Variants in CADPS2 observed in about 807,000 individuals in gnomAD.
The protein encoded by CADPS2 is calcium-dependent secretion activator 2.
In CADPS2, 93 loss-of-function variants were observed where a neutral mutation model predicts 172.5. The observed-to-expected ratio is 0.54, with a 90% confidence interval of 0.46 to 0.64. The LOEUF is 0.64. Among genes scored for constraint, CADPS2 ranks in the 30% least tolerant of loss-of-function variants. The pLI, the probability that CADPS2 is intolerant of heterozygous loss-of-function variation, is 0.00. For synonymous variants in CADPS2, 546 were observed against 555.2 expected, an observed-to-expected ratio of 0.98 and a Z score of 0.23; for missense variants, 1,420 against 1,565.9, an observed-to-expected ratio of 0.91 and a Z score of 1.57.
intron 8 of CADPS2, among the ~76,000 whole-genome samples, chr7:122,515,522 T>A (rs965533336): frequency 2.0e-5 from 3 of 152,152 alleles, no homozygotes; most frequent in Admixed American, 1.3e-4. Context: ...TAGCAAGATA[T>A]GCACCAAATA....
chr7:122,451,138 G>A (rs1423965798), intron 15 of CADPS2, among the ~76,000 whole-genome samples: 2 of 152,048 alleles, frequency 1.3e-5, no homozygotes, highest in African/African-American at 4.8e-5. Flanking sequence ...GCAAGTAAGA[G>A]GTGCAGTGGA....
chr7:122,427,025 A>G (rs755475415), intron 17 of CADPS2, among the ~76,000 whole-genome samples: 1 of 152,198 alleles, frequency 6.6e-6, no homozygotes, highest in Non-Finnish European at 1.5e-5. Context: ...AGGAAGTAGG[A>G]AAGATTCTAG....
intron 17 of CADPS2, among the ~76,000 whole-genome samples, chr7:122,428,763 C>G (rs1010514513): frequency 1.3e-5 from 2 of 151,974 alleles, no homozygotes; most frequent in African/African-American, 4.8e-5. Context: ...GCCACTGTAC[C>G]CGGCAGAGTA....
chr7:122,518,758 C>A (rs1475971165), intron 8 of CADPS2, among the ~76,000 whole-genome samples: 1 of 151,962 alleles, frequency 6.6e-6, no homozygotes, highest in African/African-American at 2.4e-5. Flanking sequence ...TGGGAACACA[C>A]ATTTAACTGG....
At chr7:122,375,447 C>T (rs991323970) in intron 25 of CADPS2, among the ~76,000 whole-genome samples, 6 of 152,062 alleles carry the variant, frequency 3.9e-5, no homozygotes, top group East Asian at 1.9e-4. Context: ...CACACACATA[C>T]GGTCAACTGA....
At chr7:122,651,284 T>C (rs1185913920) in intron 3 of CADPS2, among the ~76,000 whole-genome samples, 2 of 148,120 alleles carry the variant, frequency 1.4e-5, no homozygotes, top group Non-Finnish European at 3.0e-5. Context: ...AAGAAGACAG[T>C]GGTGGAAGTC....
chr7:122,432,643 TAAAAAA>T (rs57311950), intron 17 of CADPS2, among the ~76,000 whole-genome samples: 1 of 108,542 alleles, frequency 9.2e-6, no homozygotes, highest in Non-Finnish European at 1.9e-5. Flanking sequence ...TCTGTTAAAA[TAAAAAA>T]AAAAAAAAAA....
chr7:122,732,421 A>G (rs2091736928), intron 2 of CADPS2, among the ~76,000 whole-genome samples: 1 of 151,252 alleles, frequency 6.6e-6, no homozygotes, highest in Non-Finnish European at 1.5e-5. Context: ...AAATCATTCA[A>G]GAAATAGCAA....
chr7:122,734,356 TAAAAAAAAAAAAAAAAA>T (rs558421546), intron 2 of CADPS2, among the ~76,000 whole-genome samples: 14 of 46,294 alleles, frequency 3.0e-4, no homozygotes, highest in African/African-American at 9.9e-4. Context: ...CCAGAAATAG[TAAAAAAAAAAAAAAAAA>T]AAAAAAAAAA....
chr7:122,846,933 C>G (rs1016509331), intron 1 of CADPS2, among the ~76,000 whole-genome samples: 1 of 152,166 alleles, frequency 6.6e-6, no homozygotes, highest in African/African-American at 2.4e-5. Flanking sequence ...TCCTAGGCCT[C>G]ATACCAAACC....
intron 17 of CADPS2, among the ~76,000 whole-genome samples, chr7:122,417,351 C>T (rs1437975227): frequency 6.6e-6 from 1 of 152,186 alleles, no homozygotes; most frequent in Admixed American, 6.5e-5. Context: ...TATTCCCCTA[C>T]AGAATGGAAA....
At chr7:122,754,809 T>C (rs1050835460) in intron 1 of CADPS2, among the ~76,000 whole-genome samples, 5 of 152,208 alleles carry the variant, frequency 3.3e-5, no homozygotes, top group Non-Finnish European at 7.3e-5. Flanking sequence ...ATGAATGTAA[T>C]AACACATAAT....
At chr7:122,334,551 G>A (rs887924533) in intron 28 of CADPS2, among the ~76,000 whole-genome samples, 1 of 152,172 alleles carries the variant, frequency 6.6e-6, no homozygotes, top group African/African-American at 2.4e-5. Flanking sequence ...CCTGGCTTTT[G>A]AGCTAAGAAC....
At chr7:122,765,818 T>C (rs1030413237) in intron 1 of CADPS2, among the ~76,000 whole-genome samples, 33 of 152,130 alleles carry the variant, frequency 2.2e-4, no homozygotes, top group African/African-American at 7.7e-4. Flanking sequence ...TCCAGTTAGG[T>C]GACATTGCCA....
chr7:122,400,300 G>A (rs541143652), intron 20 of CADPS2, among the ~76,000 whole-genome samples: 1 of 151,738 alleles, frequency 6.6e-6, no homozygotes, highest in Admixed American at 6.6e-5. Context: ...AGCTGGGTGT[G>A]GTGGTGCATG....
At chr7:122,503,997 A>G (rs1401968781) in intron 9 of CADPS2, among the ~76,000 whole-genome samples, 2 of 152,206 alleles carry the variant, frequency 1.3e-5, no homozygotes, top group African/African-American at 2.4e-5. Context: ...CAACCATATT[A>G]AGGTATTTCA....
At chr7:122,552,680 G>A (rs1055080779) in intron 8 of CADPS2, among the ~76,000 whole-genome samples, 1 of 151,582 alleles carries the variant, frequency 6.6e-6, no homozygotes, top group African/African-American at 2.4e-5. Context: ...TTCAGTCTTT[G>A]TTCTTGAGAC....
intron 19 of CADPS2, among the ~76,000 whole-genome samples, chr7:122,413,387 G>T (rs981824558): frequency 1.3e-5 from 2 of 152,176 alleles, no homozygotes; most frequent in African/African-American, 4.8e-5. Context: ...AGGTTGAGAG[G>T]CCTTCAAAGA....
At chr7:122,759,726 A>T (rs2093310746) in intron 1 of CADPS2, among the ~76,000 whole-genome samples, 1 of 152,164 alleles carries the variant, frequency 6.6e-6, no homozygotes, top group African/African-American at 2.4e-5. Flanking sequence ...TCTTGCCCAG[A>T]CCTTTGCTAT....
Sources: allele counts gnomAD v4.1 joint callset (sites outside exome capture counted in the v4.1 genomes callset), GRCh38; gene constraint gnomAD v4.1.1; transcripts MANE v1.5; gene names NCBI Gene and HGNC (gene_info 2026-07-23, HGNC 2026-07-21).